BICD1: variants seen among roughly 807,000 people sequenced by gnomAD.
The protein encoded by BICD1 is protein bicaudal D homolog 1.
In BICD1, 35 loss-of-function variants were observed where a neutral mutation model predicts 92.5. The ratio of observed to expected loss-of-function variants is 0.38; its 90% CI spans 0.29 to 0.50. The LOEUF (loss-of-function observed/expected upper bound fraction) is 0.50. Ranked by LOEUF, BICD1 falls within the 20% of genes least tolerant of loss-of-function variation. The pLI, the probability that BICD1 is intolerant of heterozygous loss-of-function variation, is 0.93. For synonymous variants in BICD1, 429 were observed against 465.1 expected (o/e 0.92, Z 1.00); for missense variants, 950 against 1,189.8 (o/e 0.80, Z 2.97).
At chr12:32,183,859 T>C (rs1944351791) in intron 1 of BICD1, among the ~76,000 whole-genome samples, 1 of 152,066 alleles carries the variant, frequency 6.6e-6, no homozygotes, top group South Asian at 2.1e-4. Context: ...TTGAGGCCCT[T>C]TGTTTTGGGT....
intron 2 of BICD1, among the ~76,000 whole-genome samples, chr12:32,264,485 A>G (rs888008217): frequency 6.6e-6 from 1 of 152,176 alleles, no homozygotes; most frequent in Non-Finnish European, 1.5e-5. Context: ...GTTTTTAGAA[A>G]TTAAATAGAA....
At chr12:32,231,948 T>C (rs1263558956) in intron 2 of BICD1, among the ~76,000 whole-genome samples, 5 of 151,538 alleles carry the variant, frequency 3.3e-5, no homozygotes, top group African/African-American at 1.2e-4. Flanking sequence ...TAGTATTCCA[T>C]GGTGTATGTG....
At chr12:32,182,235 A>G (rs138022324) in intron 1 of BICD1, among the ~76,000 whole-genome samples, 38 of 140,576 alleles carry the variant, frequency 2.7e-4, no homozygotes, top group African/African-American at 8.7e-4. Context: ...AGACCATTGC[A>G]TTCTGTATTG....
At chr12:32,348,793 C>T (rs963901366) in intron 8 of BICD1, among the ~76,000 whole-genome samples, 3 of 143,640 alleles carry the variant, frequency 2.1e-5, no homozygotes, top group African/African-American at 7.5e-5. Flanking sequence ...CAGGCAGATA[C>T]TCAAGCTGAA....
chr12:32,127,723 G>A (rs2121274832), intron 1 of BICD1, among the ~76,000 whole-genome samples: 1 of 152,214 alleles, frequency 6.6e-6, no homozygotes, highest in African/African-American at 2.4e-5. Flanking sequence ...TGTGAACGAA[G>A]GCAGATCACA....
At chr12:32,271,179 C>T in intron 2 of BICD1, among the ~76,000 whole-genome samples, 1 of 152,242 alleles carries the variant, frequency 6.6e-6, no homozygotes, top group East Asian at 1.9e-4. Flanking sequence ...TCCATTTTCT[C>T]CCTGAATTAG....
At chr12:32,186,085 C>T (rs191317109) in intron 1 of BICD1, among the ~76,000 whole-genome samples, 7 of 152,308 alleles carry the variant, frequency 4.6e-5, no homozygotes, top group Admixed American at 4.6e-4. Context: ...GAGAACCTCA[C>T]CTGGCCAGAA....
At chr12:32,188,883 A>G (rs1944490988) in intron 1 of BICD1, among the ~76,000 whole-genome samples, 1 of 152,084 alleles carries the variant, frequency 6.6e-6, no homozygotes. Flanking sequence ...GCCCACTACC[A>G]TGCCTGGCTA....
Position 32,382,782 on chromosome 12 carries a change from G to C in BICD1, c.*5155G>C, listed in dbSNP as rs1390339769. 1 of 150,770 alleles carries C rather than the reference G, an allele frequency of 6.6e-6. No individual in the cohort carries two copies. The highest frequency in any genetic ancestry group is 1.5e-5 in the Non-Finnish European group (1 of 67,704). 9.3% of individuals were successfully genotyped at this position (150,770 alleles called of 1,614,324 possible). The stretch of plus-strand genomic sequence containing the variant: ...GTAAATATGTTTTTCTTTTTAAAAA[G>C]TCATTTTAAAACAAAGATGAGAGAA... On this transcript the variant is annotated 3_prime_UTR_variant, in exon 10 of 10. Transcript: ENST00000652176.
At chr12:32,309,211 T>C (rs1330661657) in intron 4 of BICD1, among the ~76,000 whole-genome samples, 1 of 152,174 alleles carries the variant, frequency 6.6e-6, no homozygotes, top group Non-Finnish European at 1.5e-5. Flanking sequence ...TGTAATTGGC[T>C]TTGATGTTAA....
chr12:32,134,779 T>C (rs748850756), intron 1 of BICD1, among the ~76,000 whole-genome samples: 13 of 152,206 alleles, frequency 8.5e-5, no homozygotes, highest in Non-Finnish European at 1.6e-4. Flanking sequence ...TGAAACACCA[T>C]AGTGTCGGGA....
At chr12:32,243,353 G>A (rs927984745) in intron 2 of BICD1, among the ~76,000 whole-genome samples, 1 of 147,100 alleles carries the variant, frequency 6.8e-6, no homozygotes, top group Non-Finnish European at 1.5e-5. Context: ...AGCTCAAGCG[G>A]TCTGCCTGCT....
At chr12:32,214,872 T>A (rs1041789085) in intron 1 of BICD1, among the ~76,000 whole-genome samples, 11 of 151,624 alleles carry the variant, frequency 7.3e-5, no homozygotes, top group African/African-American at 2.7e-4. Context: ...CACCGAGAGG[T>A]TGGTTTTAAT....
At chr12:32,277,482 T>G (rs897177779) in intron 2 of BICD1, among the ~76,000 whole-genome samples, 1 of 152,246 alleles carries the variant, frequency 6.6e-6, no homozygotes, top group Non-Finnish European at 1.5e-5. Context: ...TTTGGGTAAC[T>G]ATATTCACGA....
Position 32,215,164 on chromosome 12 carries a change from G to A in BICD1, c.214-1083G>A, listed in dbSNP as rs888223652. ...GAATTGCTTGAACCCAGGAGGCAGA[G>A]GTTGCAGTGAGCCGAGATCATACCA... On this transcript the variant is annotated intron_variant, in intron 1 of 9. Coordinates refer to ENST00000652176, the MANE Select transcript of BICD1 (RefSeq NM_001714.4). Among the ~76,000 whole-genome samples, 4 of 151,946 alleles carry A rather than the reference G, an allele frequency of 2.6e-5. No individual in the cohort carries two copies. In the East Asian group the frequency reaches 7.7e-4, roughly 29 times the overall value.
chr12:32,141,243 G>T lies in BICD1; in HGVS notation c.213+33699G>T, dbSNP rs190331304. The stretch of plus-strand genomic sequence containing the variant: ...TCGATGTTGCACTCCTGTCTTATTA[G>T]ATATCAACTTAAAGTTAAGAAAATG... On this transcript the variant is annotated intron_variant, in intron 1 of 9. Transcript: ENST00000652176. Among the ~76,000 whole-genome samples, 551 of 152,216 alleles carry T rather than the reference G, an allele frequency of 3.6e-3. 2 individuals are homozygous for T. The highest frequency in any genetic ancestry group is 6.4e-3 in the Non-Finnish European group (433 of 68,012).
chr12:32,216,114 CTG>C (rs1209219264), intron 1 of BICD1, 131 bp from the exon 2 acceptor site: 23 of 714,594 alleles, frequency 3.2e-5, no homozygotes, highest in Non-Finnish European at 4.8e-5. Flanking sequence ...AGCTGCTAGA[CTG>C]TTATATTTCG....
intron 1 of BICD1, among the ~76,000 whole-genome samples, chr12:32,121,237 G>A (rs1344911025): frequency 1.3e-5 from 2 of 151,630 alleles, no homozygotes; most frequent in African/African-American, 4.8e-5. Context: ...TGGGAGTACA[G>A]GCGTGAGCCA....
chr12:32,367,833 G>T lies in BICD1; in HGVS notation c.2840+88G>T, dbSNP rs934324523. On this transcript the variant is annotated intron_variant, in intron 9 of 9. Transcript: ENST00000652176. ...CCTTTCCGACACCTGAACTGCCTAC[G>T]CATCATTGTATTTTGCTGTATTTTA... 2.5e-6 allele frequency: 3 copies of T among 1,180,912 alleles called. No individual in the cohort carries two copies. In the African/African-American group the frequency reaches 4.5e-5, roughly 18 times the overall value. The allele number at this position is 1,180,912 out of a possible 1,614,324, so 73.2% of individuals were successfully genotyped here. A position where few individuals can be genotyped will look rare whatever the true frequency, so the allele number is the denominator to read the frequency against.
Sources: allele counts gnomAD v4.1 joint callset (sites outside exome capture counted in the v4.1 genomes callset), GRCh38; gene constraint gnomAD v4.1.1; transcripts MANE v1.5; gene names NCBI Gene and HGNC (gene_info 2026-07-23, HGNC 2026-07-21).